The following CPQ variants were observed in gnomAD, a reference collection of about 807,000 sequenced individuals.
CPQ encodes carboxypeptidase Q.
Under a neutral mutation model 45.7 loss-of-function variants are expected in CPQ, and 37 were observed. The ratio of observed to expected loss-of-function variants is 0.81; its 90% CI spans 0.62 to 1.07. The LOEUF is 1.07. Among genes scored for constraint, CPQ ranks in the 50% least tolerant of loss-of-function variants. The probability of loss-of-function intolerance (pLI) is 0.00; values close to 1 mark genes in which losing one functional copy is unlikely to be tolerated. For missense variants in CPQ, 537 were observed against 572.9 expected (o/e 0.94, Z 0.64); for synonymous variants, 186 against 205.8 (o/e 0.90, Z 0.82).
At chr8:96,842,400 T>C (rs1458173152) in intron 3 of CPQ, among the ~76,000 whole-genome samples, 2 of 152,186 alleles carry the variant, frequency 1.3e-5, no homozygotes, top group East Asian at 3.9e-4. Context: ...ACTCAAAAAC[T>C]GTACAAGTGA....
intron 6 of CPQ, among the ~76,000 whole-genome samples, chr8:97,051,948 T>C (rs1292354405): frequency 6.6e-6 from 1 of 152,174 alleles, no homozygotes; most frequent in African/African-American, 2.4e-5. Flanking sequence ...ACACCAATGA[T>C]GCCCTTGATG....
At chr8:96,697,497 C>T (rs1216472807) in intron 1 of CPQ, among the ~76,000 whole-genome samples, 1 of 151,942 alleles carries the variant, frequency 6.6e-6, no homozygotes, top group Non-Finnish European at 1.5e-5. Flanking sequence ...TGTTATTCAA[C>T]AGTCCTAGCA....
At chr8:96,695,413 T>C (rs1474915979) in intron 1 of CPQ, among the ~76,000 whole-genome samples, 1 of 147,390 alleles carries the variant, frequency 6.8e-6, no homozygotes, top group African/African-American at 2.5e-5. Flanking sequence ...CCAAAAGCAA[T>C]GGCAACAAAA....
At chr8:96,864,380 C>G (rs1420984295) in intron 3 of CPQ, among the ~76,000 whole-genome samples, 1 of 152,002 alleles carries the variant, frequency 6.6e-6, no homozygotes, top group Non-Finnish European at 1.5e-5. Context: ...TGGCCCCACC[C>G]AAAGCTTTTC....
intron 4 of CPQ, among the ~76,000 whole-genome samples, chr8:96,895,241 AAAGAG>A (rs1244214396): frequency 6.6e-6 from 1 of 152,216 alleles, no homozygotes; most frequent in African/African-American, 2.4e-5. Context: ...CATTTGAAAT[AAAGAG>A]AAAAGTGAAA....
intron 2 of CPQ, among the ~76,000 whole-genome samples, chr8:96,789,164 ACTT>A (rs1810814332): frequency 1.3e-5 from 2 of 151,692 alleles, no homozygotes; most frequent in African/African-American, 4.8e-5. Flanking sequence ...TCTACTGCCT[ACTT>A]CTTTTTTTTC....
chr8:97,092,980 A>C (rs1386884457), intron 7 of CPQ: 1 of 152,212 alleles, frequency 6.6e-6, no homozygotes, highest in African/African-American at 2.4e-5. Context: ...AACTAAAAAC[A>C]AACAATCCCA....
chr8:97,021,208 A>T (rs1809674043), intron 5 of CPQ, among the ~76,000 whole-genome samples: 1 of 152,172 alleles, frequency 6.6e-6, no homozygotes, highest in Admixed American at 6.5e-5. Flanking sequence ...AAATCGGCAT[A>T]TAAGGGACAT....
At chr8:96,684,510 C>G (rs938472669) in intron 1 of CPQ, among the ~76,000 whole-genome samples, 1 of 152,050 alleles carries the variant, frequency 6.6e-6, no homozygotes, top group Non-Finnish European at 1.5e-5. Context: ...TCCTTAGACC[C>G]CCACACAGTA....
intron 3 of CPQ, among the ~76,000 whole-genome samples, chr8:96,876,037 A>C (rs568363606): frequency 1.3e-5 from 2 of 151,778 alleles, no homozygotes; most frequent in African/African-American, 4.8e-5. Flanking sequence ...GTTCTATTTT[A>C]TTGTTTTTAT....
intron 1 of CPQ, among the ~76,000 whole-genome samples, chr8:96,726,353 T>G (rs1430424853): frequency 6.6e-6 from 1 of 152,186 alleles, no homozygotes; most frequent in Non-Finnish European, 1.5e-5. Context: ...ATTAGTCTAT[T>G]CTTGCATTGC....
At chr8:96,880,839 T>C (rs1586436632) in intron 4 of CPQ, among the ~76,000 whole-genome samples, 1 of 151,966 alleles carries the variant, frequency 6.6e-6, no homozygotes, top group Non-Finnish European at 1.5e-5. Context: ...CATTACTCTT[T>C]GGGTGACGGG....
chr8:96,660,901 T>C (rs1815693758), intron 1 of CPQ, among the ~76,000 whole-genome samples: 1 of 152,194 alleles, frequency 6.6e-6, no homozygotes, highest in South Asian at 2.1e-4. Context: ...TGCAATACTT[T>C]GTTGTGATTT....
chr8:97,055,606 C>A (rs1319924554), intron 6 of CPQ: 1 of 151,926 alleles, frequency 6.6e-6, no homozygotes, highest in African/African-American at 2.4e-5. Context: ...GTCGCTTGGA[C>A]TGAGTCAGAA....
intron 5 of CPQ, among the ~76,000 whole-genome samples, chr8:96,995,502 G>T (rs1233611006): frequency 6.6e-6 from 1 of 151,942 alleles, no homozygotes; most frequent in Admixed American, 6.6e-5. Context: ...AGAGGAATTG[G>T]CATTCTAATT....
chr8:96,781,295 A>G (rs1236983253), intron 1 of CPQ, among the ~76,000 whole-genome samples: 1 of 152,182 alleles, frequency 6.6e-6, no homozygotes, highest in Non-Finnish European at 1.5e-5. Flanking sequence ...TTGGTTTACA[A>G]TTCTAGAGCC....
chr8:96,914,025 A>G (rs1340856775), intron 4 of CPQ, among the ~76,000 whole-genome samples: 5 of 151,994 alleles, frequency 3.3e-5, no homozygotes, highest in African/African-American at 1.2e-4. Context: ...TGGTAAGTTG[A>G]GATATGTAGA....
intron 1 of CPQ, chr8:96,761,416 T>C (rs1014904885): frequency 6.6e-6 from 1 of 152,278 alleles, no homozygotes; most frequent in Non-Finnish European, 1.5e-5. Flanking sequence ...TGGTCCTGGA[T>C]TGATTTCTCT....
chr8:97,016,003 T>A (rs558391494), intron 5 of CPQ, among the ~76,000 whole-genome samples: 1 of 152,212 alleles, frequency 6.6e-6, no homozygotes, highest in East Asian at 1.9e-4. Flanking sequence ...TGGTTTCTAA[T>A]TTTTTGTTTC....
Sources: gnomAD v4.1 joint callset for allele counts (sites outside exome capture counted in the v4.1 genomes callset) on GRCh38, gnomAD v4.1.1 for gene constraint, MANE v1.5 for transcripts, NCBI Gene and HGNC (gene_info 2026-07-23, HGNC 2026-07-21) for gene names.